Variants in SLCO3A1 observed in about 807,000 individuals in gnomAD.
SLCO3A1 encodes PGE1 transporter.
In SLCO3A1, 27 loss-of-function variants were observed where a neutral mutation model predicts 63.1. The ratio of observed to expected loss-of-function variants is 0.43; its 90% CI spans 0.32 to 0.59. The LOEUF is 0.59. Among genes scored for constraint, SLCO3A1 ranks in the 20% least tolerant of loss-of-function variants. SLCO3A1 has a pLI of 0.09. For missense variants in SLCO3A1, 773 were observed against 945.8 expected (o/e 0.82, Z 2.40); for synonymous variants, 473 against 409.9 (o/e 1.15, Z -1.86).
At chr15:92,166,566 C>G (rs1012979262), downstream of SLCO3A1, among the ~76,000 whole-genome samples, 1 of 152,190 alleles carries the variant, frequency 6.6e-6, no homozygotes, top group African/African-American at 2.4e-5. Context: ...CTCACTCACA[C>G]TATGGCAGGG....
At chr15:92,106,928 C>T (rs1264990321) in intron 4 of SLCO3A1, among the ~76,000 whole-genome samples, 1 of 152,202 alleles carries the variant, frequency 6.6e-6, no homozygotes, top group African/African-American at 2.4e-5. Context: ...CTCATTAACT[C>T]ATTTGTTTTA....
In SLCO3A1 at chr15:91,886,305, C is replaced by T. The variant is rs78878119; in HGVS notation, c.181-29688C>T. 0.011 allele frequency among the ~76,000 whole-genome samples: 1,674 copies of T among 152,248 alleles called. 30 individuals carry two copies. The highest frequency in any genetic ancestry group is 0.039 in the African/African-American group (1,605 of 41,502). Reference sequence around the variant, plus strand: ...CTTACTAATTAGAAATTGACAACAGCGCTTGTCTCTCATGCTTCTCTTTTA... The same window carrying T: ...CTTACTAATTAGAAATTGACAACAGTGCTTGTCTCTCATGCTTCTCTTTTA... On this transcript the variant is annotated intron_variant, in intron 1 of 9. Transcript: ENST00000318445. This position sits in a 1 kb window ranked among gnomAD's most constrained non-coding sequence, Gnocchi z 4.9.
At chr15:91,993,566 A>T (rs923445430) in intron 2 of SLCO3A1, among the ~76,000 whole-genome samples, 1 of 152,088 alleles carries the variant, frequency 6.6e-6, no homozygotes, top group Non-Finnish European at 1.5e-5. Flanking sequence ...ATATTTATTG[A>T]TTTTATCATG....
At chr15:92,109,106 A>G (rs207963) in intron 4 of SLCO3A1, among the ~76,000 whole-genome samples, 115,757 of 152,080 alleles carry the variant, frequency 0.76, 44,206 homozygotes, top group Admixed American at 0.84. Context: ...ATGTATAGAC[A>G]TGGACGCATG....
Position 91,885,827 on chromosome 15 carries a change from G to C in SLCO3A1, c.181-30166G>C, listed in dbSNP as rs561267890. 3.3e-5 allele frequency among the ~76,000 whole-genome samples: 5 copies of C among 152,324 alleles called. No individual in the cohort carries two copies. Among genetic ancestry groups the C allele is most frequent in the African/African-American group, 1.2e-4 (5 of 41,574 alleles). On this transcript the variant is annotated intron_variant, in intron 1 of 9. Coordinates refer to ENST00000318445, the MANE Select transcript of SLCO3A1 (RefSeq NM_013272.4). The surrounding 1 kb of genome is among the most constrained non-coding windows in gnomAD (Gnocchi z 4.7). ...TCTCTGGGCGGGTGATATTTGAGTA[G>C]ATTTGAAAGAAGTGTGAGATCAAAT... is the stretch of plus-strand genomic sequence containing the variant.
chr15:92,061,386 A>G (rs2047084619), intron 2 of SLCO3A1, among the ~76,000 whole-genome samples: 1 of 152,176 alleles, frequency 6.6e-6, no homozygotes, highest in Admixed American at 6.5e-5. Context: ...CCAGGGATCA[A>G]AGAGGAAGAG....
intron 7 of SLCO3A1, among the ~76,000 whole-genome samples, chr15:92,136,984 TAATTA>T (rs1394706241): frequency 2.8e-5 from 4 of 144,218 alleles, no homozygotes; most frequent in East Asian, 2.0e-4. Flanking sequence ...TTTTTTTTTT[TAATTA>T]TACTTTAAGT....
At chr15:92,000,403 T>TA (rs56354930) in intron 2 of SLCO3A1, among the ~76,000 whole-genome samples, 99 of 138,274 alleles carry the variant, frequency 7.2e-4, no homozygotes, top group Middle Eastern at 3.6e-3. Flanking sequence ...CCTTTTTTTT[T>TA]AAAAAAAAAA....
At chr15:91,955,892 A>G (rs1297885219) in intron 2 of SLCO3A1, among the ~76,000 whole-genome samples, 1 of 152,344 alleles carries the variant, frequency 6.6e-6, no homozygotes, top group South Asian at 2.1e-4. Context: ...GTGTGAGTTC[A>G]TAATGCCTAG....
intron 2 of SLCO3A1, among the ~76,000 whole-genome samples, chr15:92,036,376 T>C (rs1318681954): frequency 1.3e-5 from 2 of 151,686 alleles, no homozygotes; most frequent in Non-Finnish European, 1.5e-5. Context: ...TTTTTTTTTT[T>C]TCTATCTGTG....
intron 2 of SLCO3A1, among the ~76,000 whole-genome samples, chr15:91,926,607 A>AGCGCGCG: frequency 7.4e-6 from 1 of 135,664 alleles, no homozygotes; most frequent in African/African-American, 3.0e-5. Context: ...GCGCGCGCGC[A>AGCGCGCG]CGCCCATGCT....
At position 92,097,726 on chromosome 15, in the gene SLCO3A1, GGAGGCACCGT is replaced by G. The variant is rs201285348; in HGVS notation, c.745+2759_745+2768del. On this transcript the variant is annotated intron_variant, in intron 3 of 9. Coordinates refer to ENST00000318445, the MANE Select transcript of SLCO3A1 (RefSeq NM_013272.4). ...CACGGTCTTTGTTTGCGTCCTTCCC[GGAGGCACCGT>G]GAGGCACCGTGTGGCACAGCTCTTT... Among the ~76,000 whole-genome samples the G allele has an allele frequency of 5.8e-3, 886 of 152,130 alleles. 11 individuals are homozygous for G. The highest frequency in any genetic ancestry group is 0.02 in the African/African-American group (844 of 41,440).
At chr15:92,104,058 G>C (rs1400156487) in intron 3 of SLCO3A1, among the ~76,000 whole-genome samples, 1 of 152,226 alleles carries the variant, frequency 6.6e-6, no homozygotes, top group Non-Finnish European at 1.5e-5. Flanking sequence ...ACACAGGGTA[G>C]ACAAGAAAAT....
At chr15:92,120,658 G>T in intron 5 of SLCO3A1, 29 bp downstream of exon 5, 1 of 1,604,492 alleles carries the variant, frequency 6.2e-7, no homozygotes, top group Non-Finnish European at 8.5e-7. Flanking sequence ...CTCCTGAGAG[G>T]GTCGGGGGAG....
chr15:92,022,302 AC>A (rs1465934845), intron 2 of SLCO3A1, among the ~76,000 whole-genome samples: 1 of 152,206 alleles, frequency 6.6e-6, no homozygotes, highest in Admixed American at 6.5e-5. Flanking sequence ...GTATTTAGGA[AC>A]AAAAACAGAC....
At chr15:91,932,164 C>T (rs1899258965) in intron 2 of SLCO3A1, among the ~76,000 whole-genome samples, 2 of 152,112 alleles carry the variant, frequency 1.3e-5, no homozygotes, top group Non-Finnish European at 2.9e-5. Context: ...GAATTAGTAA[C>T]TTGTGCAAAG....
rs979113750 is a variant in SLCO3A1, at chr15:91,941,231, G to C, written c.646+24773G>C. 5.2e-6 allele frequency: 1 copy of C among 191,466 alleles called. No individual in the cohort carries two copies. Among genetic ancestry groups the C allele is most frequent in the African/African-American group, 2.4e-5 (1 of 42,284 alleles). The allele number at this position is 191,466 out of a possible 1,614,324, so 11.9% of individuals were successfully genotyped here. A position where few individuals can be genotyped will look rare whatever the true frequency, so the allele number is the denominator to read the frequency against. The stretch of plus-strand genomic sequence containing the variant: ...GTTTCACTGGCCTGGCCGGAAGGTT[G>C]TAGTGTTCTCCTGAGAAGGGAATGT... On this transcript the variant is annotated intron_variant, in intron 2 of 9. Coordinates refer to ENST00000318445, the MANE Select transcript of SLCO3A1 (RefSeq NM_013272.4). The surrounding 1 kb of genome is among the most constrained non-coding windows in gnomAD (Gnocchi z 4.4).
At position 92,163,369 on chromosome 15, in the gene SLCO3A1, G is replaced by A. The variant is rs146907648; in HGVS notation, c.*234G>A. ...GCAGGGTCCTGGAGGCCACTTGCGC[G>A]GCTGGGCCACAGAGTCTACTTTGAA... On this transcript the variant is annotated 3_prime_UTR_variant, in exon 10 of 10. Transcript: ENST00000318445. The A allele has an allele frequency of 3.7e-5, 43 of 1,153,970 alleles. No individual in the cohort carries two copies. The highest frequency in any genetic ancestry group is 9.6e-5 in the African/African-American group (6 of 62,644). 71.5% of individuals were successfully genotyped at this position (1,153,970 alleles called of 1,614,324 possible).
intron 3 of SLCO3A1, among the ~76,000 whole-genome samples, chr15:92,097,696 T>C (rs553392881): frequency 3.3e-4 from 51 of 152,314 alleles, no homozygotes; most frequent in African/African-American, 9.6e-4. Context: ...AGGTGCATTG[T>C]CAGTCACGGT....
Sources: allele counts gnomAD v4.1 joint callset (sites outside exome capture counted in the v4.1 genomes callset), GRCh38; gene constraint gnomAD v4.1.1; non-coding constraint Gnocchi (gnomAD v3.1); transcripts MANE v1.5; gene names NCBI Gene and HGNC (gene_info 2026-07-23, HGNC 2026-07-21).